The following TAFA4 variants were observed in gnomAD, a reference collection of about 807,000 sequenced individuals.
TAFA4 encodes chemokine-like protein TAFA-4.
A neutral mutation model predicts 21.1 loss-of-function variants in TAFA4; 20 were observed. That is an observed-to-expected ratio of 0.95 (90% confidence interval 0.67 to 1.38). TAFA4 has a LOEUF of 1.38. TAFA4 is among the 40% of genes most tolerant of loss of function. The probability of loss-of-function intolerance (pLI) is 0.00; values close to 1 mark genes in which losing one functional copy is unlikely to be tolerated. For missense variants in TAFA4, 211 were observed against 180.9 expected (o/e 1.17, Z -0.95); for synonymous variants, 71 against 67.4 (o/e 1.05, Z -0.26).
chr3:68,925,494 C>G (rs1330561449), intron 1 of TAFA4, among the ~76,000 whole-genome samples: 1 of 152,078 alleles, frequency 6.6e-6, no homozygotes, highest in Non-Finnish European at 1.5e-5. Flanking sequence ...TCACACTGTA[C>G]AAAATATTTA....
At chr3:68,777,320 T>A (rs1401246374) in intron 3 of TAFA4, among the ~76,000 whole-genome samples, 1 of 152,038 alleles carries the variant, frequency 6.6e-6, no homozygotes, top group Non-Finnish European at 1.5e-5. Flanking sequence ...AGTGACATAT[T>A]TTAAGCTTCA....
intron 3 of TAFA4, among the ~76,000 whole-genome samples, chr3:68,812,323 A>C (rs941741651): frequency 2.6e-5 from 4 of 152,220 alleles, no homozygotes; most frequent in Non-Finnish European, 4.4e-5. Flanking sequence ...CACACATAAC[A>C]ATATTAACCT....
intron 1 of TAFA4, among the ~76,000 whole-genome samples, chr3:68,927,627 A>G (rs191792507): frequency 6.6e-6 from 1 of 152,228 alleles, no homozygotes; most frequent in African/African-American, 2.4e-5. Context: ...AGCCAGGCAC[A>G]GTAGCTCATG....
At chr3:68,750,607 TTTGCCCATAC>T (rs1240393465) in intron 4 of TAFA4, among the ~76,000 whole-genome samples, 1 of 152,098 alleles carries the variant, frequency 6.6e-6, no homozygotes, top group South Asian at 2.1e-4. Context: ...CCAAAGGGGA[TTTGCCCATAC>T]ATACAATTTA....
chr3:68,910,444 T>C (rs1384136034), intron 1 of TAFA4, among the ~76,000 whole-genome samples: 2 of 152,154 alleles, frequency 1.3e-5, no homozygotes, highest in African/African-American at 2.4e-5. Context: ...GTCAGGTCTG[T>C]CTCCTCAATG....
chr3:68,917,029 T>C (rs2090010411), intron 1 of TAFA4, among the ~76,000 whole-genome samples: 2 of 152,202 alleles, frequency 1.3e-5, no homozygotes, highest in Non-Finnish European at 2.9e-5. Context: ...GAAGAATAGA[T>C]GTGACGTACG....
At chr3:68,894,597 T>G (rs1286362136) in intron 1 of TAFA4, among the ~76,000 whole-genome samples, 2 of 152,198 alleles carry the variant, frequency 1.3e-5, no homozygotes, top group Non-Finnish European at 2.9e-5. Context: ...TTAACAAGAC[T>G]GATTCTTGTC....
Position 68,885,220 on chromosome 3 carries a change from C to G in TAFA4, c.-32G>C. ...TGGTTCTAGTCAAACACACTTATTC[C>G]AGGATATATTTCAGAGTGACTCCAA... On this transcript the variant is annotated 5_prime_UTR_variant, in exon 2 of 6. Coordinates refer to ENST00000295569, the MANE Select transcript of TAFA4 (RefSeq NM_182522.5). 3 of 1,608,504 alleles carry G rather than the reference C, an allele frequency of 1.9e-6. No individual in the cohort carries two copies. Among genetic ancestry groups the G allele is most frequent in the Non-Finnish European group, 2.5e-6 (3 of 1,177,124 alleles).
intron 3 of TAFA4, among the ~76,000 whole-genome samples, chr3:68,762,377 C>T (rs560200842): frequency 2.6e-5 from 4 of 152,020 alleles, no homozygotes; most frequent in Non-Finnish European, 5.9e-5. Context: ...AGATGTTAGC[C>T]GGGATTTTTA....
At chr3:68,896,180 G>A (rs2089787427) in intron 1 of TAFA4, among the ~76,000 whole-genome samples, 1 of 152,178 alleles carries the variant, frequency 6.6e-6, no homozygotes, top group African/African-American at 2.4e-5. Flanking sequence ...TCCAGGGACA[G>A]ACCAGGCAGA....
At chr3:68,818,956 C>A (rs1704049836) in intron 3 of TAFA4, among the ~76,000 whole-genome samples, 1 of 152,148 alleles carries the variant, frequency 6.6e-6, no homozygotes. Flanking sequence ...AGGGTTGCCA[C>A]AAAACTTTAA....
intron 1 of TAFA4, among the ~76,000 whole-genome samples, chr3:68,907,649 G>T (rs1219309293): frequency 6.6e-6 from 1 of 152,138 alleles, no homozygotes; most frequent in Non-Finnish European, 1.5e-5. Flanking sequence ...AGGGAAGTGA[G>T]ATCCAAAATA....
chr3:68,845,664 T>C (rs1449214849), intron 3 of TAFA4, among the ~76,000 whole-genome samples: 1 of 152,248 alleles, frequency 6.6e-6, no homozygotes, highest in Non-Finnish European at 1.5e-5. Context: ...TACCAGTTTT[T>C]CCTTTCCATG....
chr3:68,900,917 C>A (rs746834257), intron 1 of TAFA4, among the ~76,000 whole-genome samples: 24 of 152,196 alleles, frequency 1.6e-4, no homozygotes, highest in Non-Finnish European at 3.4e-4. Context: ...CATCCCCAGC[C>A]CCCATCAAAC....
At chr3:68,877,352 C>T (rs892364332) in intron 3 of TAFA4, among the ~76,000 whole-genome samples, 1 of 152,062 alleles carries the variant, frequency 6.6e-6, no homozygotes, top group Non-Finnish European at 1.5e-5. Context: ...GAGGGAGACT[C>T]CATCTCAAAA....
intron 4 of TAFA4, among the ~76,000 whole-genome samples, chr3:68,744,144 C>T (rs1702408949): frequency 6.6e-6 from 1 of 152,184 alleles, no homozygotes; most frequent in Non-Finnish European, 1.5e-5. Context: ...AGTGAGAACC[C>T]GTGTACTTTG....
At chr3:68,756,004 GA>G (rs1436389884) in intron 3 of TAFA4, among the ~76,000 whole-genome samples, 1 of 152,298 alleles carries the variant, frequency 6.6e-6, no homozygotes, top group East Asian at 1.9e-4. Context: ...TGGTCACATG[GA>G]TAAGTGTGGA....
intron 3 of TAFA4, among the ~76,000 whole-genome samples, chr3:68,774,370 A>C (rs1268512001): frequency 1.3e-5 from 2 of 152,242 alleles, no homozygotes; most frequent in Non-Finnish European, 2.9e-5. Flanking sequence ...CTCCTTTGAA[A>C]TGGCTCTTGA....
intron 1 of TAFA4, among the ~76,000 whole-genome samples, chr3:68,890,090 A>G (rs1309034371): frequency 6.6e-6 from 1 of 152,204 alleles, no homozygotes; most frequent in Non-Finnish European, 1.5e-5. Flanking sequence ...ACATCCTGAA[A>G]TATTTAAGAA....
Sources: allele counts gnomAD v4.1 joint callset (sites outside exome capture counted in the v4.1 genomes callset), GRCh38; gene constraint gnomAD v4.1.1; transcripts MANE v1.5; gene names NCBI Gene and HGNC (gene_info 2026-07-23, HGNC 2026-07-21).